INTS4: variants seen among roughly 807,000 people sequenced by gnomAD.
INTS4 encodes the protein MSTP093.
In INTS4, 70 loss-of-function variants were observed where a neutral mutation model predicts 119.5. The ratio of observed to expected loss-of-function variants is 0.59; its 90% CI spans 0.48 to 0.71. INTS4 has a LOEUF of 0.71. INTS4 is among the 30% of genes least tolerant of loss of function. The pLI is 0.00. For synonymous variants in INTS4, 316 were observed against 419.6 expected (o/e 0.75, Z 3.02); for missense variants, 867 against 1,173.2 (o/e 0.74, Z 3.81).
intron 18 of INTS4, among the ~76,000 whole-genome samples, chr11:77,897,415 TA>T (rs1258070158): frequency 6.6e-6 from 1 of 151,340 alleles, no homozygotes; most frequent in East Asian, 1.9e-4. Context: ...CTTATAACTT[TA>T]AAAGATTATA....
intron 15 of INTS4, among the ~76,000 whole-genome samples, chr11:77,915,469 C>G (rs747251260): frequency 2.0e-4 from 30 of 152,176 alleles, no homozygotes; most frequent in Non-Finnish European, 3.5e-4. Context: ...GCTGCACACT[C>G]TGGCTCTCCT....
intron 21 of INTS4, chr11:77,884,811 G>C (rs748430547): frequency 2.7e-5 from 11 of 409,648 alleles, no homozygotes; most frequent in South Asian, 1.2e-4. Flanking sequence ...CTGGAGTGCA[G>C]TGGCACGATC....
At chr11:77,893,712 A>C (rs1281460018) in intron 19 of INTS4, among the ~76,000 whole-genome samples, 1 of 151,846 alleles carries the variant, frequency 6.6e-6, no homozygotes, top group Non-Finnish European at 1.5e-5. Flanking sequence ...GGCCAACATG[A>C]TGAAACCCCG....
chr11:77,989,583 T>C (rs1317912105), intron 2 of INTS4, among the ~76,000 whole-genome samples: 1 of 152,168 alleles, frequency 6.6e-6, no homozygotes, highest in Non-Finnish European at 1.5e-5. Flanking sequence ...TTTTATCTAC[T>C]TTTCCATAAG....
chr11:77,960,420 T>C (rs1445568456), intron 5 of INTS4, 29 bp from the exon 6 acceptor site: 1 of 1,504,306 alleles, frequency 6.6e-7, no homozygotes, highest in Non-Finnish European at 9.2e-7. Context: ...GTTTAAGTGC[T>C]TGGGAGGAAA....
chr11:77,969,784 T>C (rs1855642486), intron 4 of INTS4, among the ~76,000 whole-genome samples: 1 of 150,068 alleles, frequency 6.7e-6, no homozygotes, highest in Non-Finnish European at 1.5e-5. Flanking sequence ...AAAAAAGCCA[T>C]TCTGTACCCT....
chr11:77,902,581 A>G (rs1408406801), intron 17 of INTS4, among the ~76,000 whole-genome samples: 40 of 152,216 alleles, frequency 2.6e-4, no homozygotes, highest in Admixed American at 2.6e-3. Context: ...TAACTGCCTC[A>G]TCTCTAAAAC....
At chr11:77,924,507 C>G (rs755590084) in intron 12 of INTS4, 1 of 450,510 alleles carries the variant, frequency 2.2e-6, no homozygotes, top group Non-Finnish European at 4.1e-6. Context: ...GCATAGTCAG[C>G]ACACAGCAGG....
intron 4 of INTS4, among the ~76,000 whole-genome samples, chr11:77,966,773 T>C (rs966415729): frequency 4.6e-5 from 7 of 152,228 alleles, no homozygotes; most frequent in Non-Finnish European, 1.0e-4. Context: ...TCTTTTGTGG[T>C]TTCATACAAA....
intron 4 of INTS4, among the ~76,000 whole-genome samples, chr11:77,970,053 T>A (rs573947620): frequency 6.6e-6 from 1 of 152,246 alleles, no homozygotes; most frequent in South Asian, 2.1e-4. Context: ...CATCAGCTGA[T>A]GGTCATTTGA....
intron 7 of INTS4, among the ~76,000 whole-genome samples, chr11:77,957,231 G>C (rs1052461145): frequency 6.6e-6 from 1 of 152,038 alleles, no homozygotes; most frequent in Non-Finnish European, 1.5e-5. Context: ...CTGCAACCAG[G>C]TGCAAATTTT....
At chr11:77,973,087 T>C (rs967997792) in intron 4 of INTS4, among the ~76,000 whole-genome samples, 3 of 152,034 alleles carry the variant, frequency 2.0e-5, no homozygotes, top group African/African-American at 7.2e-5. Flanking sequence ...AAAGATTCTA[T>C]TGCCTCAACC....
At chr11:77,904,825 G>A (rs1952892915) in intron 16 of INTS4, among the ~76,000 whole-genome samples, 1 of 152,128 alleles carries the variant, frequency 6.6e-6, no homozygotes, top group Admixed American at 6.5e-5. Context: ...GTTGTATGCA[G>A]GATAGTTGCA....
At chr11:77,948,380 C>CT (rs1241410031) in intron 8 of INTS4, among the ~76,000 whole-genome samples, 1 of 152,140 alleles carries the variant, frequency 6.6e-6, no homozygotes, top group African/African-American at 2.4e-5. Flanking sequence ...GGCGCGGTGG[C>CT]TTATGCCTGT....
intron 2 of INTS4, among the ~76,000 whole-genome samples, chr11:77,990,665 A>C (rs1856641269): frequency 6.7e-6 from 1 of 149,386 alleles, no homozygotes; most frequent in Admixed American, 6.7e-5. Flanking sequence ...CAGCATGGGC[A>C]ACAGAGCGAG....
At chr11:77,983,616 C>T (rs186907153) in intron 2 of INTS4, among the ~76,000 whole-genome samples, 27 of 152,164 alleles carry the variant, frequency 1.8e-4, no homozygotes, top group African/African-American at 5.3e-4. Context: ...AAATGCAAAT[C>T]AAAACTACAA....
At chr11:77,942,432 T>C (rs1953951694) in intron 8 of INTS4, among the ~76,000 whole-genome samples, 1 of 152,220 alleles carries the variant, frequency 6.6e-6, no homozygotes, top group East Asian at 1.9e-4. Flanking sequence ...AGAGCCTTAT[T>C]TGCCATAGTA....
intron 10 of INTS4, among the ~76,000 whole-genome samples, chr11:77,931,087 A>G (rs1953637442): frequency 6.6e-6 from 1 of 152,240 alleles, no homozygotes; most frequent in Non-Finnish European, 1.5e-5. Context: ...GGAAAAGCAC[A>G]GGGAATGTAA....
At chr11:77,932,326 C>T (rs1167592452) in intron 10 of INTS4, among the ~76,000 whole-genome samples, 3 of 152,150 alleles carry the variant, frequency 2.0e-5, no homozygotes, top group Non-Finnish European at 2.9e-5. Context: ...CAAAAGAAGA[C>T]ATTTATGCGA....
Sources: gnomAD v4.1 joint callset for allele counts (sites outside exome capture counted in the v4.1 genomes callset) on GRCh38, gnomAD v4.1.1 for gene constraint, MANE v1.5 for transcripts, NCBI Gene and HGNC (gene_info 2026-07-23, HGNC 2026-07-21) for gene names.